Variants in COX11 observed in about 807,000 individuals in gnomAD.
COX11 encodes the protein cytochrome c oxidase copper chaperone COX11, also known as cytochrome c oxidase assembly protein COX11, mitochondrial.
COX11 carries 18 observed loss-of-function variants against 29.4 expected under a neutral mutation model. The ratio of observed to expected loss-of-function variants is 0.61; its 90% CI spans 0.42 to 0.91. COX11 has a LOEUF of 0.91. Among genes scored for constraint, COX11 ranks in the 40% least tolerant of loss-of-function variants. The pLI is 0.00. For missense variants in COX11, 312 were observed against 346.0 expected, an observed-to-expected ratio of 0.90 and a Z score of 0.78; for synonymous variants, 131 against 124.0, an observed-to-expected ratio of 1.06 and a Z score of -0.38.
At chr17:54,964,338 A>G in intron 2 of COX11, 1 of 211,962 alleles carries the variant, frequency 4.7e-6, no homozygotes, top group Non-Finnish European at 9.4e-6. Context: ...ATGCTTTTCC[A>G]CATTTTTCCC....
chr17:54,966,745 T>C (rs2077222555), intron 1 of COX11, among the ~76,000 whole-genome samples: 1 of 152,248 alleles, frequency 6.6e-6, no homozygotes, highest in Non-Finnish European at 1.5e-5. Flanking sequence ...GGGCTTGGTC[T>C]CTGATGAAAA....
At position 54,963,357 on chromosome 17, in the gene COX11, A is replaced by G; in HGVS notation, c.597T>C (p.Ser199=). Residue 199 remains serine (S), a synonymous_variant, in exon 3 of 4, where the codon TCT becomes TCC. Transcript: ENST00000299335. ...NPTDKPVIGI[S]TYNIVPFEAG... The stretch of plus-strand genomic sequence containing the variant: ...CTTCAAATGGAACAATATTGTATGT[A>G]GAAATTCCAATTACTGGTTTGTCAG... 1 of 1,612,498 alleles carries G rather than the reference A, an allele frequency of 6.2e-7. No individual in the cohort carries two copies. Among genetic ancestry groups the G allele is most frequent in the Non-Finnish European group, 8.5e-7 (1 of 1,179,074 alleles).
At chr17:54,954,232 A>C (rs1051687832) in exon 1 of COX11, 6 of 152,222 alleles carry the variant, frequency 3.9e-5, no homozygotes, top group Admixed American at 1.3e-4. Context: ...CGGTCTGCAC[A>C]CCTGGCCAGG....
At chr17:54,952,052 A>G (rs1023613301) in exon 1 of COX11, 1 of 152,188 alleles carries the variant, frequency 6.6e-6, no homozygotes, top group Non-Finnish European at 1.5e-5. Context: ...CTAAAACTAA[A>G]TATGTTTTAG....
downstream of COX11, chr17:54,957,531 GAC>G (rs2144062959): frequency 6.6e-6 from 1 of 152,264 alleles, no homozygotes; most frequent in South Asian, 2.1e-4. Context: ...CGGTGGGAGA[GAC>G]AGTAAAAAGC....
intron 2 of COX11, 144 bp from the exon 3 acceptor site, chr17:54,963,575 TA>T: frequency 1.3e-6 from 1 of 758,952 alleles, no homozygotes. Context: ...AAATTGTGAA[TA>T]TTACCCATAA....
At chr17:54,967,946 G>A (rs2077285565) in intron 1 of COX11, among the ~76,000 whole-genome samples, 1 of 151,114 alleles carries the variant, frequency 6.6e-6, no homozygotes, top group Non-Finnish European at 1.5e-5. Context: ...AAGCGTGTGT[G>A]CGCAGGAGGG....
At chr17:54,957,067 CCA>C (rs542016930), downstream of COX11, 93 of 152,348 alleles carry the variant, frequency 6.1e-4, no homozygotes, top group African/African-American at 2.1e-3. Flanking sequence ...TGGCTGCATT[CCA>C]CACAGGGTTT....
chr17:54,965,686 G>A (rs770195091), intron 1 of COX11, among the ~76,000 whole-genome samples: 12 of 151,950 alleles, frequency 7.9e-5, no homozygotes, highest in Non-Finnish European at 1.6e-4. Context: ...AAAATTAGCC[G>A]GGTGTGGTGA....
chr17:54,961,764 A>G lies in COX11; in HGVS notation c.*969T>C. The G allele has an allele frequency of 2.0e-6, 2 of 1,013,174 alleles. No homozygotes were observed. The highest frequency in any genetic ancestry group is 2.4e-6 in the Non-Finnish European group (2 of 847,868). 62.8% of individuals were successfully genotyped at this position (1,013,174 alleles called of 1,614,324 possible). A position where few individuals can be genotyped will look rare whatever the true frequency, so the allele number is the denominator to read the frequency against. On this transcript the variant is annotated 3_prime_UTR_variant, in exon 4 of 4. Coordinates refer to ENST00000299335, the MANE Select transcript of COX11 (RefSeq NM_004375.5). The stretch of plus-strand genomic sequence containing the variant: ...GTTAAAACCTTGATAATTGTCATTT[A>G]ATTATATTTCAGGTGTCCTGAACAG...
At position 54,963,169 on chromosome 17, in the gene COX11, G is replaced by T. The variant is rs2077160048; in HGVS notation, c.648+137C>A. ...TCTCAATCTCTGCATAGCAGGTATA[G>T]ATAGTGAAGAAAAATAGCTTGATGT... On this transcript the variant is annotated intron_variant, in intron 3 of 3. Coordinates refer to ENST00000299335, the MANE Select transcript of COX11 (RefSeq NM_004375.5). 8.2e-6 allele frequency: 8 copies of T among 970,808 alleles called. No individual in the cohort carries two copies. The East Asian group carries it at 1.8e-4, about 22-fold the overall frequency. The allele number at this position is 970,808 out of a possible 1,614,324, so 60.1% of individuals were successfully genotyped here.
Position 54,963,294 on chromosome 17 carries a change from A to G in COX11, c.648+12T>C. ...CTTTATCATATTCTGTAAAGTTTAC[A>G]CTTTGATGTACCTGTATTTTATTGA... On this transcript the variant is annotated intron_variant, in intron 3 of 3. Transcript: ENST00000299335. 3 of 1,606,882 alleles carry G rather than the reference A, an allele frequency of 1.9e-6. No homozygotes were observed. The highest frequency in any genetic ancestry group is 8.5e-7 in the Non-Finnish European group (1 of 1,176,148).
At chr17:54,957,474 A>G (rs1490888773), downstream of COX11, 1 of 152,156 alleles carries the variant, frequency 6.6e-6, no homozygotes, top group African/African-American at 2.4e-5. Flanking sequence ...ATTATATTCA[A>G]ATTAGGAGAT....
chr17:54,958,470 CCTAT>C (rs2077009604), downstream of COX11: 1 of 152,252 alleles, frequency 6.6e-6, no homozygotes, highest in East Asian at 1.9e-4. Context: ...GTGGCTCACG[CCTAT>C]AATCCCAGCA....
chr17:54,958,957 C>G (rs2077034648), downstream of COX11, among the ~76,000 whole-genome samples: 1 of 152,042 alleles, frequency 6.6e-6, no homozygotes, highest in Non-Finnish European at 1.5e-5. Context: ...CAGGAATAGA[C>G]AGGATCACAG....
At chr17:54,967,086 C>T (rs1446727199) in intron 1 of COX11, among the ~76,000 whole-genome samples, 2 of 151,234 alleles carry the variant, frequency 1.3e-5, no homozygotes, top group Non-Finnish European at 3.0e-5. Flanking sequence ...AAAGAGTGAA[C>T]TCCAGCTAAG....
At chr17:54,956,904 TGA>T (rs1174667766), downstream of COX11, 1 of 152,152 alleles carries the variant, frequency 6.6e-6, no homozygotes, top group Non-Finnish European at 1.5e-5. Context: ...GCAGATGCAG[TGA>T]GTCGTTATTT....
chr17:54,958,846 T>C (rs1052376080), downstream of COX11, among the ~76,000 whole-genome samples: 1 of 150,792 alleles, frequency 6.6e-6, no homozygotes. Context: ...TGGGAGATGC[T>C]GGAGAATCTG....
At chr17:54,964,662 TA>T (rs56131849) in intron 2 of COX11, 34 bp downstream of exon 2, 431,739 of 1,586,910 alleles carry the variant, frequency 0.27, 61,390 homozygotes, top group South Asian at 0.29. Context: ...TTTACATTAA[TA>T]AAGTAATCTT....
Sources: allele counts gnomAD v4.1 joint callset (sites outside exome capture counted in the v4.1 genomes callset), GRCh38; gene constraint gnomAD v4.1.1; transcripts MANE v1.5; gene names NCBI Gene and HGNC (gene_info 2026-07-23, HGNC 2026-07-21).